The following LAMA2 variants were observed in gnomAD, a reference collection of about 807,000 sequenced individuals.
LAMA2 encodes the protein laminin subunit alpha 2.
A neutral mutation model predicts 364.8 loss-of-function variants in LAMA2; 269 were observed. The ratio of observed to expected loss-of-function variants is 0.74; its 90% CI spans 0.67 to 0.82. The LOEUF is 0.82. Among genes scored for constraint, LAMA2 ranks in the 40% least tolerant of loss-of-function variants. LAMA2 has a pLI of 0.00. For synonymous variants in LAMA2, 1,379 were observed against 1,370.6 expected (o/e 1.01, Z -0.14); for missense variants, 3,807 against 3,873.2 (o/e 0.98, Z 0.45).
At chr6:129,398,388 T>C (rs761630129) in intron 37 of LAMA2, among the ~76,000 whole-genome samples, 1 of 151,974 alleles carries the variant, frequency 6.6e-6, no homozygotes, top group African/African-American at 2.4e-5. Flanking sequence ...CCTGAATTAG[T>C]GATGGGAGTA....
chr6:128,967,123 C>T (rs1354908989), intron 1 of LAMA2, among the ~76,000 whole-genome samples: 2 of 152,106 alleles, frequency 1.3e-5, no homozygotes, highest in Non-Finnish European at 2.9e-5. Context: ...TCACTTGCTG[C>T]CACAATGCTT....
intron 60 of LAMA2, among the ~76,000 whole-genome samples, chr6:129,503,970 A>G (rs1228468179): frequency 1.3e-5 from 2 of 152,236 alleles, no homozygotes; most frequent in Middle Eastern, 3.2e-3. Flanking sequence ...AATAGATAAT[A>G]TACTGCCTGA....
chr6:129,240,746 A>G (rs1339958860), intron 12 of LAMA2, among the ~76,000 whole-genome samples: 1 of 152,202 alleles, frequency 6.6e-6, no homozygotes, highest in African/African-American at 2.4e-5. Flanking sequence ...CCTATATATC[A>G]TAACAAATTG....
At chr6:129,450,162 T>G (rs1782602003) in intron 45 of LAMA2, among the ~76,000 whole-genome samples, 1 of 151,992 alleles carries the variant, frequency 6.6e-6, no homozygotes, top group Non-Finnish European at 1.5e-5. Flanking sequence ...ATCCCGTTTT[T>G]TTTTTTTTAC....
chr6:129,461,055 C>T (rs1387655230), intron 49 of LAMA2, among the ~76,000 whole-genome samples: 1 of 151,916 alleles, frequency 6.6e-6, no homozygotes. Context: ...AAATATTTAG[C>T]TATAAGTAGA....
chr6:129,236,145 C>G (rs1011462314), intron 12 of LAMA2, among the ~76,000 whole-genome samples: 25 of 152,080 alleles, frequency 1.6e-4, no homozygotes, highest in African/African-American at 5.8e-4. Flanking sequence ...AACATTAGTT[C>G]ATATGAATCT....
At chr6:129,350,141 G>A (rs1776776759) in intron 31 of LAMA2, among the ~76,000 whole-genome samples, 1 of 152,028 alleles carries the variant, frequency 6.6e-6, no homozygotes, top group Admixed American at 6.5e-5. Flanking sequence ...ACCACTTTTG[G>A]TATATTTTAG....
At chr6:129,293,360 T>C (rs1562425135) in intron 20 of LAMA2, among the ~76,000 whole-genome samples, 1 of 152,188 alleles carries the variant, frequency 6.6e-6, no homozygotes, top group Non-Finnish European at 1.5e-5. Flanking sequence ...CCTATAATCT[T>C]AGAAATGGAA....
chr6:129,037,047 G>C (rs112209371), intron 1 of LAMA2, among the ~76,000 whole-genome samples: 3 of 152,190 alleles, frequency 2.0e-5, no homozygotes, highest in Non-Finnish European at 4.4e-5. Flanking sequence ...CAGGATTTCA[G>C]CAGTCAATTA....
intron 3 of LAMA2, among the ~76,000 whole-genome samples, chr6:129,071,337 A>G (rs960890567): frequency 1.3e-5 from 2 of 152,044 alleles, no homozygotes; most frequent in African/African-American, 4.8e-5. Flanking sequence ...TAATTTCATT[A>G]GTCTTTTTCA....
At chr6:129,396,191 G>A (rs887083642) in intron 37 of LAMA2, among the ~76,000 whole-genome samples, 1 of 152,134 alleles carries the variant, frequency 6.6e-6, no homozygotes, top group Non-Finnish European at 1.5e-5. Flanking sequence ...TATCTGTCAG[G>A]TACCTACCAT....
At chr6:128,941,371 A>G (rs952653430) in intron 1 of LAMA2, among the ~76,000 whole-genome samples, 3 of 152,120 alleles carry the variant, frequency 2.0e-5, no homozygotes, top group African/African-American at 7.2e-5. Flanking sequence ...TACATAATCA[A>G]AGTTTGTGTT....
chr6:129,078,404 G>T (rs910924620), intron 3 of LAMA2, among the ~76,000 whole-genome samples: 1 of 151,994 alleles, frequency 6.6e-6, no homozygotes, highest in Non-Finnish European at 1.5e-5. Context: ...CAAAGTGCTA[G>T]GATTACAGGT....
chr6:128,927,371 G>A (rs1008387395), intron 1 of LAMA2, among the ~76,000 whole-genome samples: 3 of 151,918 alleles, frequency 2.0e-5, no homozygotes, highest in Admixed American at 6.6e-5. Context: ...TTAAATACTG[G>A]TTTTGACCTA....
intron 1 of LAMA2, among the ~76,000 whole-genome samples, chr6:128,886,871 A>AT (rs770754988): frequency 5.3e-5 from 8 of 152,184 alleles, no homozygotes; most frequent in Admixed American, 1.3e-4. Context: ...CAGTGATCAG[A>AT]TGTACAGTTA....
chr6:129,449,759 A>G (rs1782572314), intron 45 of LAMA2, among the ~76,000 whole-genome samples: 1 of 151,464 alleles, frequency 6.6e-6, no homozygotes, highest in Non-Finnish European at 1.5e-5. Flanking sequence ...TGGAGTTCTC[A>G]GAGCAGTTAG....
intron 11 of LAMA2, among the ~76,000 whole-genome samples, chr6:129,191,027 T>A (rs1163115186): frequency 6.6e-6 from 1 of 152,188 alleles, no homozygotes; most frequent in African/African-American, 2.4e-5. Flanking sequence ...TTCTGGGAAT[T>A]TCACACAGCC....
At position 129,177,851 on chromosome 6, in the gene LAMA2, C is replaced by G; in HGVS notation, c.1452C>G (p.Gly484=). ...GCAAAAATGAGGATCCTTGTTTTGG[C>G]CCCTGTATCTGCAAGGTACATTGTT... The part of the protein sequence containing the change: ...LGSKNEDPCF[G]PCICKENVEG... The change falls in exon 10 of 65, where the codon GGC becomes GGG. Residue 484 remains glycine, a synonymous_variant. Transcript: ENST00000421865. 2.5e-6 allele frequency: 4 copies of G among 1,613,820 alleles called. No homozygotes were observed. The highest frequency in any genetic ancestry group is 3.4e-6 in the Non-Finnish European group (4 of 1,179,852).
intron 12 of LAMA2, among the ~76,000 whole-genome samples, chr6:129,238,990 A>G (rs1225414499): frequency 1.3e-5 from 2 of 152,080 alleles, no homozygotes; most frequent in Admixed American, 6.6e-5. Context: ...ATTTGTTGCC[A>G]TGGTATAGTA....
Sources: allele counts gnomAD v4.1 joint callset (sites outside exome capture counted in the v4.1 genomes callset), GRCh38; gene constraint gnomAD v4.1.1; transcripts MANE v1.5; gene names NCBI Gene and HGNC (gene_info 2026-07-23, HGNC 2026-07-21).